Variants in VAV3 observed in about 807,000 individuals in gnomAD.
VAV3 encodes the protein guanine nucleotide exchange factor VAV3.
A neutral mutation model predicts 131.2 loss-of-function variants in VAV3; 94 were observed. The observed-to-expected ratio is 0.72, with a 90% CI of 0.61 to 0.85. VAV3 has a LOEUF of 0.85. VAV3 is among the 40% of genes least tolerant of loss of function. The pLI is 0.00. For missense variants in VAV3, 939 were observed against 1,002.7 expected (o/e 0.94, Z 0.86); for synonymous variants, 349 against 342.0 (o/e 1.02, Z -0.22).
chr1:107,795,819 A>T (rs1174553661), intron 2 of VAV3, among the ~76,000 whole-genome samples: 1 of 152,236 alleles, frequency 6.6e-6, no homozygotes, highest in East Asian at 1.9e-4. Flanking sequence ...GGACATTTTG[A>T]CTTTCCTGTT....
chr1:107,942,170 T>C (rs2101274989), intron 1 of VAV3, among the ~76,000 whole-genome samples: 1 of 152,314 alleles, frequency 6.6e-6, no homozygotes, highest in South Asian at 2.1e-4. Flanking sequence ...CCCCTGCAAA[T>C]GCAACTTTTC....
intron 15 of VAV3, among the ~76,000 whole-genome samples, chr1:107,719,433 T>G (rs1423672737): frequency 2.6e-5 from 4 of 152,228 alleles, no homozygotes; most frequent in African/African-American, 9.6e-5. Flanking sequence ...AAGACATTTA[T>G]TTATGCAGCC....
intron 1 of VAV3, among the ~76,000 whole-genome samples, chr1:107,961,264 T>C (rs1485310280): frequency 6.6e-6 from 1 of 152,228 alleles, no homozygotes; most frequent in Non-Finnish European, 1.5e-5. Flanking sequence ...CTCTCATTCA[T>C]GATAGATCTA....
Position 107,753,472 on chromosome 1 carries a change from GTA to G in VAV3, c.1173+1953_1173+1954del, listed in dbSNP as rs1439766209. Among the ~76,000 whole-genome samples, 9 of 100,276 alleles carry G rather than the reference GTA, an allele frequency of 9.0e-5. No homozygotes were observed. The South Asian group carries it at 1.2e-3, about 13-fold the overall frequency. 65.8% of individuals were successfully genotyped at this position (100,276 alleles called of 152,430 possible). On this transcript the variant is annotated intron_variant, in intron 12 of 26. Coordinates refer to ENST00000370056, the MANE Select transcript of VAV3 (RefSeq NM_006113.5). ...TTATAGCATTAATGTGTGTGTGTAT[GTA>G]TGTGTGTGTGTATATATATACACAC...
intron 11 of VAV3, 38 bp downstream of exon 11, chr1:107,757,223 T>C (rs202173550): frequency 4.1e-4 from 641 of 1,560,962 alleles, no homozygotes; most frequent in Middle Eastern, 8.5e-4. Flanking sequence ...TAGGCAAGAA[T>C]AAAAAATACA....
rs545414564 is a variant in VAV3 at position 107,577,590 on chromosome 1, T to C, written c.2351-3392A>G. Among the ~76,000 whole-genome samples, 58 of 152,336 alleles carry C rather than the reference T, an allele frequency of 3.8e-4. 1 individual carries two copies. The South Asian group carries it at 8.5e-3, about 22-fold the overall frequency. ...TGTCATGAGACAGCTTCTGGGACCT[T>C]TCCTAACAATACAGTGGACACACGC... is the stretch of plus-strand genomic sequence containing the variant. On this transcript the variant is annotated intron_variant, in intron 25 of 26. Coordinates refer to ENST00000370056, the MANE Select transcript of VAV3 (RefSeq NM_006113.5).
intron 25 of VAV3, among the ~76,000 whole-genome samples, chr1:107,591,874 T>C (rs1293788578): frequency 1.3e-5 from 2 of 152,172 alleles, no homozygotes; most frequent in Non-Finnish European, 2.9e-5. Context: ...TCTCTTCTCT[T>C]ATATAACCAC....
Position 107,612,953 on chromosome 1 carries a change from C to T in VAV3, c.1981-2988G>A, listed in dbSNP as rs541656345. ...TAAAACAAAGAAACTCATCCTAGTG[C>T]CATTCCTTTTTCCAAGTGTCAATCT... On this transcript the variant is annotated intron_variant, in intron 21 of 26. Coordinates refer to ENST00000370056, the MANE Select transcript of VAV3 (RefSeq NM_006113.5). 5.3e-5 allele frequency among the ~76,000 whole-genome samples: 8 copies of T among 152,194 alleles called. No homozygotes were observed. The South Asian group carries it at 1.7e-3, about 32-fold the overall frequency.
chr1:107,745,951 G>A (rs555799652), intron 15 of VAV3, among the ~76,000 whole-genome samples: 2 of 152,300 alleles, frequency 1.3e-5, no homozygotes, highest in Non-Finnish European at 2.9e-5. Context: ...CTGGGAAGAA[G>A]CCATCCTGTG....
At chr1:107,711,434 T>C (rs1323761953) in intron 15 of VAV3, among the ~76,000 whole-genome samples, 1 of 152,120 alleles carries the variant, frequency 6.6e-6, no homozygotes, top group Non-Finnish European at 1.5e-5. Flanking sequence ...TCTAGGCAGA[T>C]TGGCACAATG....
chr1:107,844,435 G>A (rs114413162), intron 2 of VAV3, among the ~76,000 whole-genome samples: 1,635 of 152,078 alleles, frequency 0.011, 33 homozygotes, highest in African/African-American at 0.038. Context: ...TTTTTTTTCC[G>A]TACCCCAGTG....
At chr1:107,850,884 G>T (rs545061525) in intron 2 of VAV3, among the ~76,000 whole-genome samples, 4 of 151,294 alleles carry the variant, frequency 2.6e-5, no homozygotes, top group African/African-American at 9.7e-5. Context: ...ATTTCCTTTC[G>T]TATGGCTGCA....
chr1:107,903,602 C>T (rs1306115647), intron 1 of VAV3, among the ~76,000 whole-genome samples: 3 of 152,256 alleles, frequency 2.0e-5, no homozygotes, highest in South Asian at 4.1e-4. Context: ...AGGGCATTCA[C>T]CTAAGATACT....
chr1:107,847,699 A>G (rs1019048350), intron 2 of VAV3, among the ~76,000 whole-genome samples: 3 of 152,160 alleles, frequency 2.0e-5, no homozygotes, highest in African/African-American at 7.2e-5. Context: ...GGAAACATAC[A>G]CCCTCCCAAG....
rs1297785617 is a variant in VAV3 at position 107,965,055 on chromosome 1, C to T, written c.-186G>A. 1 of 246,932 alleles carries T rather than the reference C, an allele frequency of 4.0e-6. No homozygotes were observed. Among genetic ancestry groups the T allele is most frequent in the African/African-American group, 2.3e-5 (1 of 42,864 alleles). 15.3% of individuals were successfully genotyped at this position (246,932 alleles called of 1,614,324 possible). A position where few individuals can be genotyped will look rare whatever the true frequency, so the allele number is the denominator to read the frequency against. ...GCGCCGCGCTAGGCTCGGCTCCGGT[C>T]CCGGCCCGGGTGCGCCGCGACCCGG... On this transcript the variant is annotated 5_prime_UTR_variant, in exon 1 of 27. Coordinates refer to ENST00000370056, the MANE Select transcript of VAV3 (RefSeq NM_006113.5).
At chr1:107,959,652 G>A (rs1674985532) in intron 1 of VAV3, among the ~76,000 whole-genome samples, 1 of 152,030 alleles carries the variant, frequency 6.6e-6, no homozygotes, top group Non-Finnish European at 1.5e-5. Context: ...TGCTCCAATG[G>A]CTCATCAGAC....
chr1:107,763,805 A>T (rs557051777), intron 9 of VAV3, among the ~76,000 whole-genome samples: 1 of 152,204 alleles, frequency 6.6e-6, no homozygotes, highest in Non-Finnish European at 1.5e-5. Context: ...TGAGCTATGA[A>T]ATCATGCCAG....
Position 107,603,182 on chromosome 1 carries a change from C to G in VAV3, c.2016-19G>C. The G allele has an allele frequency of 6.3e-7, 1 of 1,598,326 alleles. No homozygotes were observed. Among genetic ancestry groups the G allele is most frequent in the Non-Finnish European group, 8.6e-7 (1 of 1,167,338 alleles). On this transcript the variant is annotated intron_variant, in intron 22 of 26. Transcript: ENST00000370056. ...AGCATACCTGTAAAAAACAATGACA[C>G]AGAAAATTTGGATAATATACCTGGA... is the stretch of plus-strand genomic sequence containing the variant.
chr1:107,943,405 G>A (rs1674093039), intron 1 of VAV3, among the ~76,000 whole-genome samples: 1 of 152,154 alleles, frequency 6.6e-6, no homozygotes. Flanking sequence ...TTAAGTGAAT[G>A]TGGTGAAGCC....
Sources: gnomAD v4.1 joint callset for allele counts (sites outside exome capture counted in the v4.1 genomes callset) on GRCh38, gnomAD v4.1.1 for gene constraint, MANE v1.5 for transcripts, NCBI Gene and HGNC (gene_info 2026-07-23, HGNC 2026-07-21) for gene names.